The following HS3ST4 variants were observed in gnomAD, a reference collection of about 807,000 sequenced individuals.
HS3ST4 encodes heparan sulfate-glucosamine 3-sulfotransferase 4, also known as heparan sulfate glucosamine 3-O-sulfotransferase 4.
Under a neutral mutation model 29.2 loss-of-function variants are expected in HS3ST4, and 17 were observed. The observed-to-expected ratio is 0.58, with a 90% CI of 0.40 to 0.87. The LOEUF is 0.87. Among genes scored for constraint, HS3ST4 ranks in the 40% least tolerant of loss-of-function variants. HS3ST4 has a pLI of 0.00. For synonymous variants in HS3ST4, 314 were observed against 285.7 expected, an observed-to-expected ratio of 1.10 and a Z score of -1.00; for missense variants, 627 against 634.5, an observed-to-expected ratio of 0.99 and a Z score of 0.13.
At chr16:25,930,966 G>T (rs1207146786) in intron 1 of HS3ST4, among the ~76,000 whole-genome samples, 1 of 152,098 alleles carries the variant, frequency 6.6e-6, no homozygotes, top group Non-Finnish European at 1.5e-5. Context: ...TAGAGACGGG[G>T]TCTCACTGTG....
At chr16:25,884,829 CT>C (rs1385242720) in intron 1 of HS3ST4, among the ~76,000 whole-genome samples, 2 of 152,140 alleles carry the variant, frequency 1.3e-5, no homozygotes, top group Non-Finnish European at 2.9e-5. Flanking sequence ...GCTACCAAAA[CT>C]GCTAGGATTG....
chr16:25,978,670 G>A (rs992604096), intron 1 of HS3ST4, among the ~76,000 whole-genome samples: 6 of 152,148 alleles, frequency 3.9e-5, no homozygotes, highest in African/African-American at 7.2e-5. Context: ...AAAAGTTACT[G>A]TCTTCTTTAT....
chr16:26,125,064 G>A lies in HS3ST4; in HGVS notation c.735-10548G>A, dbSNP rs189278651. On this transcript the variant is annotated intron_variant, in intron 1 of 1. Transcript: ENST00000331351. ...TTGGGTGTACTCAGAAAAGCATCAC[G>A]AACATCATTTGTTGAAATAGTTCTC... Among the ~76,000 whole-genome samples the A allele has an allele frequency of 7.9e-5, 12 of 152,280 alleles. No individual in the cohort carries two copies. In the East Asian group the frequency reaches 1.7e-3, roughly 22 times the overall value.
chr16:25,750,030 C>G (rs1051901623), intron 1 of HS3ST4, among the ~76,000 whole-genome samples: 6 of 152,160 alleles, frequency 3.9e-5, no homozygotes, highest in Non-Finnish European at 8.8e-5. Flanking sequence ...AGGACTAGAG[C>G]ACTATACAAA....
chr16:25,730,150 G>A (rs1966561149), intron 1 of HS3ST4, among the ~76,000 whole-genome samples: 1 of 152,178 alleles, frequency 6.6e-6, no homozygotes, highest in Admixed American at 6.5e-5. Context: ...CGGCATGGTG[G>A]TGTTAAATTA....
At chr16:26,119,503 A>G (rs376143827) in intron 1 of HS3ST4, among the ~76,000 whole-genome samples, 3 of 152,322 alleles carry the variant, frequency 2.0e-5, no homozygotes, top group Non-Finnish European at 4.4e-5. Flanking sequence ...AGACTGAGCA[A>G]TTGAGTGGAT....
chr16:26,088,799 A>G (rs1045132562), intron 1 of HS3ST4, among the ~76,000 whole-genome samples: 1 of 152,214 alleles, frequency 6.6e-6, no homozygotes, highest in East Asian at 1.9e-4. Flanking sequence ...GTTAGCGATC[A>G]TGAGGTCCTC....
At chr16:26,127,603 G>A (rs1567318585) in intron 1 of HS3ST4, among the ~76,000 whole-genome samples, 1 of 152,194 alleles carries the variant, frequency 6.6e-6, no homozygotes, top group Admixed American at 6.5e-5. Context: ...CACACTGAAT[G>A]GGGTTAAGGA....
At chr16:25,697,081 G>A (rs1014713988) in intron 1 of HS3ST4, among the ~76,000 whole-genome samples, 11 of 152,144 alleles carry the variant, frequency 7.2e-5, no homozygotes, top group Non-Finnish European at 1.2e-4. Context: ...AAAGTACTAG[G>A]AAGCATATAC....
chr16:26,022,996 C>T (rs1452138068), intron 1 of HS3ST4, among the ~76,000 whole-genome samples: 1 of 151,968 alleles, frequency 6.6e-6, no homozygotes, highest in Non-Finnish European at 1.5e-5. Context: ...GAGCCGAGGT[C>T]ATGCCATTGC....
chr16:26,062,582 T>C (rs1898489072), intron 1 of HS3ST4, among the ~76,000 whole-genome samples: 1 of 151,950 alleles, frequency 6.6e-6, no homozygotes, highest in South Asian at 2.1e-4. Context: ...ATCATCTTCA[T>C]TGCCATGCAT....
At chr16:25,884,854 C>G (rs182108697) in intron 1 of HS3ST4, among the ~76,000 whole-genome samples, 42 of 152,288 alleles carry the variant, frequency 2.8e-4, no homozygotes, top group African/African-American at 8.2e-4. Context: ...GGATTACAGG[C>G]GTCAACCACT....
intron 1 of HS3ST4, among the ~76,000 whole-genome samples, chr16:25,986,002 G>T (rs552792020): frequency 6.6e-6 from 1 of 152,062 alleles, no homozygotes; most frequent in Admixed American, 6.5e-5. Flanking sequence ...TCCCCTTAAA[G>T]CCTACATTAA....
intron 1 of HS3ST4, among the ~76,000 whole-genome samples, chr16:26,079,487 G>A (rs1898701685): frequency 6.6e-6 from 1 of 152,146 alleles, no homozygotes; most frequent in Admixed American, 6.5e-5. Context: ...AATAACAACA[G>A]CAAACATTGA....
At chr16:25,806,761 A>T (rs1339727502) in intron 1 of HS3ST4, among the ~76,000 whole-genome samples, 1 of 152,164 alleles carries the variant, frequency 6.6e-6, no homozygotes, top group East Asian at 1.9e-4. Context: ...ATATTGGCAT[A>T]GATAAAATCC....
At chr16:25,809,189 A>G (rs913903044) in intron 1 of HS3ST4, among the ~76,000 whole-genome samples, 15 of 152,158 alleles carry the variant, frequency 9.9e-5, no homozygotes, top group Admixed American at 5.2e-4. Context: ...GTGAGAAAGT[A>G]CGTAGTTTTT....
chr16:25,808,859 T>C (rs983044534), intron 1 of HS3ST4, among the ~76,000 whole-genome samples: 2 of 152,190 alleles, frequency 1.3e-5, no homozygotes, highest in African/African-American at 4.8e-5. Context: ...TTATTTTCTT[T>C]GGAGCAGTTG....
chr16:25,749,534 A>G (rs1214050068), intron 1 of HS3ST4, among the ~76,000 whole-genome samples: 1 of 151,908 alleles, frequency 6.6e-6, no homozygotes, highest in Non-Finnish European at 1.5e-5. Context: ...AGGGAGAGGA[A>G]GAGGAAGAGG....
intron 1 of HS3ST4, among the ~76,000 whole-genome samples, chr16:26,101,225 C>T (rs1231205805): frequency 6.6e-6 from 1 of 152,194 alleles, no homozygotes; most frequent in Non-Finnish European, 1.5e-5. Flanking sequence ...TCCATTTCAC[C>T]CAGAGGAGCT....
Sources: gnomAD v4.1 joint callset for allele counts (sites outside exome capture counted in the v4.1 genomes callset) on GRCh38, gnomAD v4.1.1 for gene constraint, MANE v1.5 for transcripts, NCBI Gene and HGNC (gene_info 2026-07-23, HGNC 2026-07-21) for gene names.